The following RYR1 variants were observed in gnomAD, a reference collection of about 807,000 sequenced individuals.
RYR1 encodes ryanodine receptor 1, also known as central core disease of muscle.
In RYR1, 342 loss-of-function variants were observed where a neutral mutation model predicts 583.5. The ratio of observed to expected loss-of-function variants is 0.59; its 90% confidence interval spans 0.54 to 0.64. RYR1 has a LOEUF of 0.64. RYR1 is among the 30% of genes least tolerant of loss of function. RYR1 has a pLI of 0.00. For missense variants in RYR1, 6,032 were observed against 6,917.2 expected (o/e 0.87, Z 4.54); for synonymous variants, 2,791 against 2,822.5 (o/e 0.99, Z 0.35).
Position 38,477,762 on chromosome 19 carries a change from C to G in RYR1, c.4346C>G (p.Ala1449Gly). ...GGACAGGAGCCCAGCTGCGTGTGGG[C>G]GGGCTGGGTCACCCCTGACTACCAT... ...FAGQEPSCVW[A>G]GWVTPDYHQH... Residue 1449 changes from alanine to glycine, a missense_variant, in exon 30 of 106, where the codon GCG becomes GGG. By Grantham distance (60) the Ala-to-Gly change is moderately conservative. Transcript: ENST00000359596. 6.2e-7 allele frequency: 1 copy of G among 1,614,080 alleles called. No homozygotes were observed. The highest frequency in any genetic ancestry group is 8.5e-7 in the Non-Finnish European group (1 of 1,180,000).
chr19:38,473,289 T>C, intron 27 of RYR1, 88 bp from the exon 28 acceptor site: 1 of 1,512,430 alleles, frequency 6.6e-7, no homozygotes. Flanking sequence ...TATGGCCTAA[T>C]GGTGGCTCCG....
chr19:38,528,722 G>A lies in RYR1; in HGVS notation c.11034+27G>A, dbSNP rs147450893. 7.3e-4 allele frequency: 1,183 copies of A among 1,610,726 alleles called. 4 individuals are homozygous for A. Among genetic ancestry groups the A allele is most frequent in the Non-Finnish European group, 9.0e-4 (1,064 of 1,177,098 alleles). On this transcript the variant is annotated intron_variant, in intron 75 of 105. Coordinates refer to ENST00000359596, the MANE Select transcript of RYR1 (RefSeq NM_000540.3). ...TGAGCTGGGACCCGCCTGGGGGAGT[G>A]GGGGGCGAGCTGGATAGGGCTGGGG...
intron 28 of RYR1, among the ~76,000 whole-genome samples, chr19:38,474,365 C>T (rs762352527): frequency 1.6e-4 from 25 of 151,676 alleles, no homozygotes; most frequent in Non-Finnish European, 1.3e-4. Context: ...CGGGTTCAAG[C>T]GATTCTTCTG....
At chr19:38,518,202 A>G (rs2145684698) in intron 66 of RYR1, among the ~76,000 whole-genome samples, 1 of 151,666 alleles carries the variant, frequency 6.6e-6, no homozygotes, top group South Asian at 2.1e-4. Context: ...GAAAGAAGGA[A>G]GGAAGGCAGG....
intron 87 of RYR1, among the ~76,000 whole-genome samples, chr19:38,544,233 A>G (rs1016201485): frequency 6.6e-6 from 1 of 152,106 alleles, no homozygotes; most frequent in Admixed American, 6.5e-5. Context: ...TGGTTTCTAG[A>G]TTAGAGCCTG....
In RYR1 at chr19:38,452,903, C is replaced by T; in HGVS notation, c.1329C>T (p.Ser443=). 1.2e-6 allele frequency: 2 copies of T among 1,613,554 alleles called. No individual in the cohort carries two copies. The highest frequency in any genetic ancestry group is 1.1e-5 in the South Asian group (1 of 90,960). The change falls in exon 13 of 106, where the codon AGC becomes AGT. Residue 443 remains serine (S), a synonymous_variant. Transcript: ENST00000359596. The part of the protein sequence containing the change: ...TALPIEGVIL[S]LQDLIIYFEP... ...TGCCCATCGAGGGCGTTATCCTGAG[C>T]CTGCAGGACCTCATCATCTACTTCG...
chr19:38,535,527 G>T, intron 81 of RYR1, 135 bp downstream of exon 81: 1 of 755,068 alleles, frequency 1.3e-6, no homozygotes, highest in East Asian at 2.6e-5. Flanking sequence ...TCAAATAACA[G>T]GGAATTTATT....
rs201834803 is a variant in RYR1 at position 38,444,660 on chromosome 19, G to C, written c.614G>C (p.Cys205Ser). Residue 205 changes from cysteine (C) to serine (S), a missense_variant, in exon 7 of 106, where the codon TGC (cysteine) becomes TCC (serine). This residue lies in a region of RYR1 where 338 missense variants were observed against 441.6 expected (regional missense o/e 0.77). Coordinates refer to ENST00000359596, the MANE Select transcript of RYR1 (RefSeq NM_000540.3). The surrounding 1 kb of genome is among the most constrained non-coding windows in gnomAD (Gnocchi z 5.1). ...ACACTATGGAACATGAACCCCATCT[G>C]CTCCCGCTGCGAAGAGGGTGAGGGC... is the stretch of plus-strand genomic sequence containing the variant. ...MQTLWNMNPI[C>S]SRCEEGFVTG... The C allele has an allele frequency of 1.2e-4, 199 of 1,613,578 alleles. No individual in the cohort carries two copies. The Admixed American group carries it at 2.2e-3, about 17-fold the overall frequency.
chr19:38,524,186 C>CAAA (rs56388141), intron 70 of RYR1, among the ~76,000 whole-genome samples: 3 of 84,138 alleles, frequency 3.6e-5, no homozygotes, highest in Non-Finnish European at 4.8e-5. Flanking sequence ...CTTTTGTTCC[C>CAAA]AAAAAAAAAA....
At chr19:38,452,724 G>A in intron 12 of RYR1, 95 bp from the exon 13 acceptor site, 1 of 1,118,598 alleles carries the variant, frequency 8.9e-7, no homozygotes, top group Non-Finnish European at 1.3e-6. Context: ...TAAAACGGGT[G>A]GGTCTGGGGG....
intron 34 of RYR1, among the ~76,000 whole-genome samples, chr19:38,487,204 C>T (rs1443784193): frequency 6.6e-6 from 1 of 152,142 alleles, no homozygotes; most frequent in Non-Finnish European, 1.5e-5. Flanking sequence ...GTACGTACAC[C>T]CATCCACCTA....
At chr19:38,562,668 C>CCTGCCTCA (rs1007401453) in intron 90 of RYR1, among the ~76,000 whole-genome samples, 6 of 152,060 alleles carry the variant, frequency 3.9e-5, no homozygotes, top group Non-Finnish European at 5.9e-5. Flanking sequence ...CACATTCATG[C>CCTGCCTCA]CTGCCTCACG....
intron 7 of RYR1, among the ~76,000 whole-genome samples, chr19:38,445,494 A>G (rs529076318): frequency 6.6e-6 from 1 of 152,194 alleles, no homozygotes; most frequent in South Asian, 2.1e-4. Context: ...CCCAAACTTC[A>G]GAGTCCTAAA....
Position 38,523,302 on chromosome 19 carries a change from T to G in RYR1, c.10433T>G (p.Met3478Arg). The G allele has an allele frequency of 3.1e-6, 5 of 1,614,134 alleles. No individual in the cohort carries two copies. Among genetic ancestry groups the G allele is most frequent in the Non-Finnish European group, 4.2e-6 (5 of 1,180,024 alleles). Residue 3478 changes from methionine to arginine, a missense_variant, in exon 69 of 106, where the codon ATG becomes AGG. Coordinates refer to ENST00000359596, the MANE Select transcript of RYR1 (RefSeq NM_000540.3). The stretch of plus-strand genomic sequence containing the variant: ...CTGACTGCTGACAACAAAAGCAAAA[T>G]GGCTAAGGTCGGGGCTTGGTTCTGG... ...SFLTADNKSK[M>R]AKAGDIQSGG...
intron 89 of RYR1, among the ~76,000 whole-genome samples, chr19:38,556,338 C>T (rs989716749): frequency 2.0e-5 from 3 of 151,740 alleles, no homozygotes; most frequent in Non-Finnish European, 2.9e-5. Context: ...AAAAAATAAC[C>T]AGGTGTAGTA....
At chr19:38,487,241 C>T (rs963267100) in intron 34 of RYR1, among the ~76,000 whole-genome samples, 3 of 152,184 alleles carry the variant, frequency 2.0e-5, no homozygotes, top group Admixed American at 6.6e-5. Context: ...GCCATCCACA[C>T]CCATCCATCT....
At chr19:38,505,253 C>T (rs1970389617) in intron 52 of RYR1, 56 bp from the exon 53 acceptor site, 2 of 1,328,622 alleles carry the variant, frequency 1.5e-6, no homozygotes, top group Non-Finnish European at 1.1e-6. Context: ...TCCAGGGTCG[C>T]CCCGTGTGTC....
At chr19:38,446,019 A>G (rs919826042) in intron 7 of RYR1, among the ~76,000 whole-genome samples, 1 of 151,634 alleles carries the variant, frequency 6.6e-6, no homozygotes, top group Non-Finnish European at 1.5e-5. Context: ...AAACAAAAAA[A>G]CCCTCAAAAT....
chr19:38,523,129 C>T lies in RYR1; in HGVS notation c.10347+14C>T, dbSNP rs547265268. The T allele has an allele frequency of 1.1e-5, 17 of 1,613,864 alleles. No homozygotes were observed. Among genetic ancestry groups the T allele is most frequent in the Non-Finnish European group, 1.4e-5 (17 of 1,179,860 alleles). On this transcript the variant is annotated intron_variant, in intron 68 of 105. Transcript: ENST00000359596. ...TCCAAGTCCCACGTGAGTGCCCACCCCAACCGCCCTCCCCACAACCAGAGG... is the reference window on the plus strand; with the variant it reads ...TCCAAGTCCCACGTGAGTGCCCACCTCAACCGCCCTCCCCACAACCAGAGG...
Sources: gnomAD v4.1 joint callset for allele counts (sites outside exome capture counted in the v4.1 genomes callset) on GRCh38, gnomAD v4.1.1 for gene constraint, gnomAD v4.1.1 regional missense constraint, Gnocchi (gnomAD v3.1) non-coding constraint, MANE v1.5 for transcripts, NCBI Gene and HGNC (gene_info 2026-07-23, HGNC 2026-07-21) for gene names.